The following EPHA6 variants were observed in gnomAD, a reference collection of about 807,000 sequenced individuals.
EPHA6 encodes the protein EPH receptor A6.
EPHA6 carries 50 observed loss-of-function variants against 112.0 expected under a neutral mutation model. That is an observed-to-expected ratio of 0.45 (90% CI 0.36 to 0.56). EPHA6 has a LOEUF of 0.56. EPHA6 is among the 20% of genes least tolerant of loss of function. The pLI is 0.00. For missense variants in EPHA6, 1,280 were observed against 1,417.4 expected, an observed-to-expected ratio of 0.90 and a Z score of 1.56; for synonymous variants, 529 against 490.7, an observed-to-expected ratio of 1.08 and a Z score of -1.03.
intron 5 of EPHA6, among the ~76,000 whole-genome samples, chr3:97,395,072 T>C (rs1206188752): frequency 6.6e-6 from 1 of 151,690 alleles, no homozygotes; most frequent in Admixed American, 6.6e-5. Flanking sequence ...GTTACTCATT[T>C]TATTACAGTA....
At chr3:97,499,880 T>C (rs1401499427) in intron 10 of EPHA6, among the ~76,000 whole-genome samples, 1 of 152,152 alleles carries the variant, frequency 6.6e-6, no homozygotes, top group African/African-American at 2.4e-5. Context: ...GTAAACTTTA[T>C]AAACACTGTA....
intron 16 of EPHA6, among the ~76,000 whole-genome samples, chr3:97,736,466 AGAGAGTGTGTGTGTGTGT>A (rs1408352763): frequency 4.5e-5 from 5 of 111,918 alleles, no homozygotes; most frequent in African/African-American, 6.9e-5. Context: ...AGAGAGAGAG[AGAGAGTGTGTGTGTGTGT>A]GTGTGTGTGT....
chr3:96,860,192 T>TA (rs1270073387), intron 1 of EPHA6, among the ~76,000 whole-genome samples: 1 of 152,124 alleles, frequency 6.6e-6, no homozygotes, highest in Admixed American at 6.6e-5. Flanking sequence ...TTAGGGAAGT[T>TA]AACATCTATT....
chr3:96,908,497 G>T (rs1479337544), intron 2 of EPHA6, among the ~76,000 whole-genome samples: 3 of 151,486 alleles, frequency 2.0e-5, no homozygotes, highest in Non-Finnish European at 4.4e-5. Context: ...CTTTTTTTGT[G>T]CTTGGATAGC....
intron 3 of EPHA6, among the ~76,000 whole-genome samples, chr3:97,012,933 CTTGT>C (rs2044142290): frequency 6.6e-6 from 1 of 151,942 alleles, no homozygotes; most frequent in Non-Finnish European, 1.5e-5. Flanking sequence ...CTTTACTGGG[CTTGT>C]TTATTTATTT....
chr3:97,157,509 C>T (rs182234443), intron 3 of EPHA6, among the ~76,000 whole-genome samples: 6 of 151,768 alleles, frequency 4.0e-5, no homozygotes, highest in African/African-American at 1.2e-4. Context: ...TACCTTCTGT[C>T]GAGAGAGAGA....
chr3:96,945,501 A>T (rs1392212936), intron 2 of EPHA6, among the ~76,000 whole-genome samples: 1 of 152,220 alleles, frequency 6.6e-6, no homozygotes, highest in Admixed American at 6.5e-5. Context: ...TGCATGTGTT[A>T]CTAACCCTAC....
intron 2 of EPHA6, among the ~76,000 whole-genome samples, chr3:96,957,118 A>G (rs1439861724): frequency 1.3e-5 from 2 of 152,160 alleles, no homozygotes; most frequent in East Asian, 1.9e-4. Context: ...AACTGAAAGT[A>G]TATTGAACAA....
chr3:97,078,226 T>G (rs2046601749), intron 3 of EPHA6, among the ~76,000 whole-genome samples: 2 of 152,198 alleles, frequency 1.3e-5, no homozygotes, highest in East Asian at 3.9e-4. Flanking sequence ...CCTTTGCCCA[T>G]TTTTTGATGT....
intron 3 of EPHA6, among the ~76,000 whole-genome samples, chr3:97,005,010 C>CTGTA (rs972450536): frequency 6.6e-6 from 1 of 152,294 alleles, no homozygotes; most frequent in Admixed American, 6.5e-5. Context: ...GTTTTGGTTA[C>CTGTA]TGTAGTCTTG....
At position 97,262,539 on chromosome 3, in the gene EPHA6, CA is replaced by C. The variant is rs781514159; in HGVS notation, c.1606+18253del. Among the ~76,000 whole-genome samples, 80 of 152,240 alleles carry C rather than the reference CA, an allele frequency of 5.3e-4. No individual in the cohort carries two copies. The Middle Eastern group carries it at 0.01, about 19-fold the overall frequency. ...GTCAATTACAAAAGAAATGTATGCC[CA>C]GTCAATCTGGTGTTTTTTGCAGTTG... On this transcript the variant is annotated intron_variant, in intron 5 of 17. Transcript: ENST00000389672.
chr3:97,326,620 C>G (rs975255769), intron 5 of EPHA6, among the ~76,000 whole-genome samples: 1 of 151,992 alleles, frequency 6.6e-6, no homozygotes, highest in Non-Finnish European at 1.5e-5. Context: ...TAACTTGAAG[C>G]AGAAATATGT....
intron 1 of EPHA6, among the ~76,000 whole-genome samples, chr3:96,861,873 A>C (rs986787376): frequency 6.6e-6 from 1 of 152,028 alleles, no homozygotes; most frequent in Admixed American, 6.6e-5. Context: ...AAATATTCCA[A>C]GTACAGAGAG....
chr3:96,975,245 G>A (rs1559636211), intron 2 of EPHA6, among the ~76,000 whole-genome samples: 1 of 152,104 alleles, frequency 6.6e-6, no homozygotes, highest in African/African-American at 2.4e-5. Flanking sequence ...GTTTGGGGCT[G>A]TAGACTTGGG....
Position 97,756,234 on chromosome 3 carries a change from G to T in EPHA6, c.*7533G>T, listed in dbSNP as rs1048831743. Among the ~76,000 whole-genome samples the T allele has an allele frequency of 6.6e-6, 1 of 151,846 alleles. No individual in the cohort carries two copies. The highest frequency in any genetic ancestry group is 1.5e-5 in the Non-Finnish European group (1 of 67,830). ...CATATTGTTTTTGTCTTCAGAATAA[G>T]TCTGCTCAAAATTGTAGCCTTTAGA... On this transcript the variant is annotated 3_prime_UTR_variant, in exon 18 of 18. Transcript: ENST00000389672.
At chr3:97,746,583 T>C (rs1181748652) in intron 16 of EPHA6, among the ~76,000 whole-genome samples, 1 of 151,812 alleles carries the variant, frequency 6.6e-6, no homozygotes, top group Non-Finnish European at 1.5e-5. Context: ...ATTTCATATA[T>C]ATTGCATATA....
intron 3 of EPHA6, among the ~76,000 whole-genome samples, chr3:97,202,176 A>G (rs758013154): frequency 1.3e-5 from 2 of 151,800 alleles, no homozygotes; most frequent in Admixed American, 6.6e-5. Context: ...CATACCAGAA[A>G]CTCCTTTTTG....
intron 3 of EPHA6, among the ~76,000 whole-genome samples, chr3:97,127,070 AACATACAAATTCATTTAATAAGTTTT>A (rs2048202375): frequency 6.6e-6 from 1 of 152,090 alleles, no homozygotes; most frequent in Non-Finnish European, 1.5e-5. Context: ...ACAAGAGAAA[AACATACAAATTCATTTAATAAGTTTT>A]ACATGACACA....
chr3:97,099,682 C>A (rs1456060785), intron 3 of EPHA6, among the ~76,000 whole-genome samples: 4 of 151,860 alleles, frequency 2.6e-5, no homozygotes, highest in African/African-American at 9.7e-5. Flanking sequence ...CATTAAAAGA[C>A]CTTCCTGATT....
Sources: allele counts gnomAD v4.1 joint callset (sites outside exome capture counted in the v4.1 genomes callset), GRCh38; gene constraint gnomAD v4.1.1; transcripts MANE v1.5; gene names NCBI Gene and HGNC (gene_info 2026-07-23, HGNC 2026-07-21).